The following AARSD1 variants were observed in gnomAD, a reference collection of about 807,000 sequenced individuals.
AARSD1 encodes alanyl-tRNA editing protein Aarsd1.
A neutral mutation model predicts 48.7 loss-of-function variants in AARSD1; 44 were observed. The observed-to-expected ratio is 0.90, with a 90% CI of 0.71 to 1.16. The LOEUF (loss-of-function observed/expected upper bound fraction) is 1.16, where lower values mean the gene tolerates loss of function less well. Ranked by LOEUF, AARSD1 falls within the 50% of genes most tolerant of loss-of-function variation. The pLI, the probability that AARSD1 is intolerant of heterozygous loss-of-function variation, is 0.00. For missense variants in AARSD1, 511 were observed against 523.1 expected, an observed-to-expected ratio of 0.98 and a Z score of 0.23; for synonymous variants, 189 against 194.9, an observed-to-expected ratio of 0.97 and a Z score of 0.25.
At chr17:42,962,292 C>T (rs962543342) in intron 2 of AARSD1, 4 of 102,586 alleles carry the variant, frequency 3.9e-5, no homozygotes, top group Admixed American at 1.6e-4. Context: ...GAGCAAGACA[C>T]CATCTCAAAA....
At chr17:42,953,904 G>A in intron 9 of AARSD1, 126 bp from the exon 10 acceptor site, 2 of 1,225,800 alleles carry the variant, frequency 1.6e-6, no homozygotes, top group East Asian at 2.4e-5. Context: ...ATATCCCTTA[G>A]CCAAGAGAGA....
Position 42,951,870 on chromosome 17 carries a change from C to T in AARSD1, c.1033G>A (p.Gly345Ser). Reference sequence around the variant, plus strand: ...AAGAGTCCACCACCTTTCTCATCGCCCACAGTTAAGAACAGGAGGGTCTCC... The same window carrying T: ...AAGAGTCCACCACCTTTCTCATCGCTCACAGTTAAGAACAGGAGGGTCTCC... ...SEETLLFLTV[G>S]DEKGGGLFLL... Residue 345 changes from glycine (G) to serine (S), a missense_variant, in exon 11 of 12, where the codon GGC becomes AGC. Physicochemically the swap from Gly to Ser is moderately conservative, Grantham distance 56. Coordinates refer to ENST00000427569, the MANE Select transcript of AARSD1 (RefSeq NM_001261434.2). 2.5e-6 allele frequency: 4 copies of T among 1,614,112 alleles called. No homozygotes were observed. Among genetic ancestry groups the T allele is most frequent in the Non-Finnish European group, 3.4e-6 (4 of 1,180,020 alleles).
intron 2 of AARSD1, among the ~76,000 whole-genome samples, chr17:42,962,756 G>C (rs2049655764): frequency 6.6e-6 from 1 of 152,218 alleles, no homozygotes; most frequent in Non-Finnish European, 1.5e-5. Context: ...GTGGAGGCCA[G>C]GGCAGTGGCT....
Position 42,954,930 on chromosome 17 carries a change from A to T in AARSD1, c.899T>A (p.Ile300Asn). The T allele has an allele frequency of 6.2e-7, 1 of 1,614,116 alleles. No individual in the cohort carries two copies. Among genetic ancestry groups the T allele is most frequent in the Non-Finnish European group, 8.5e-7 (1 of 1,179,998 alleles). Residue 300 changes from isoleucine to asparagine, a missense_variant, in exon 9 of 12, where the codon ATT becomes AAT. By Grantham distance (149) the Ile-to-Asn change is moderately radical. Transcript: ENST00000427569. ...LNLLRDLAVHIAHSLRNSPDW... is the reference protein window; with the variant it reads ...LNLLRDLAVHNAHSLRNSPDW... Reference sequence around the variant, plus strand: ...TGGACTGTTCCTGAGGCTATGGGCAATGTGCACAGCCAGGTCTCTGAGCAG... The same window carrying T: ...TGGACTGTTCCTGAGGCTATGGGCATTGTGCACAGCCAGGTCTCTGAGCAG...
rs144652104 is a variant in AARSD1 at position 42,961,320 on chromosome 17, G to A, written c.203C>T (p.Ser68Phe). Residue 68 changes from serine (S) to phenylalanine (F), a missense_variant, in exon 3 of 12, where the codon TCT (serine) becomes TTT (phenylalanine). Transcript: ENST00000427569. The part of the protein sequence containing the change: ...PDDRGTINDI[S>F]VLRVTRRGEQ... ...CCCACGGCGAGTCACTCTCAGCACA[G>A]AGATGTCATTGATTGTACCACGGTC... The A allele has an allele frequency of 3.1e-6, 5 of 1,614,166 alleles. No homozygotes were observed. The highest frequency in any genetic ancestry group is 4.2e-6 in the Non-Finnish European group (5 of 1,180,038).
rs777024110 is a variant in AARSD1, at chr17:42,961,271, C to G, written c.252G>C (p.Gln84His). 13 of 1,614,156 alleles carry G rather than the reference C, an allele frequency of 8.1e-6. No individual in the cohort carries two copies. Among genetic ancestry groups the G allele is most frequent in the Non-Finnish European group, 1.1e-5 (13 of 1,180,022 alleles). ...RRGEQADHFT[Q>H]TPLDPGSQVL... The stretch of plus-strand genomic sequence containing the variant: ...CCTGGCTTCCTGGATCCAGGGGTGT[C>G]TGGGTGAAATGATCAGCCTGTTCCC... The change falls in exon 3 of 12, where the codon CAG becomes CAC. Residue 84 changes from glutamine (Q) to histidine (H), a missense_variant. Physicochemically the swap from Gln to His is conservative, Grantham distance 24. Coordinates refer to ENST00000427569, the MANE Select transcript of AARSD1 (RefSeq NM_001261434.2).
rs537818447 is a variant in AARSD1, at chr17:42,955,411, T to A, written c.795-187A>T. 96 of 660,412 alleles carry A rather than the reference T, an allele frequency of 1.5e-4. No individual in the cohort carries two copies. The South Asian group carries it at 1.9e-3, about 13-fold the overall frequency. The allele number at this position is 660,412 out of a possible 1,614,324, so 40.9% of individuals were successfully genotyped here. On this transcript the variant is annotated intron_variant, in intron 7 of 11. Transcript: ENST00000427569. ...AGGAATTAACCACTTTTCGTGGTTC[T>A]GATTTACTATCCAAAGCACTTGATC...
chr17:42,956,225 C>T lies in AARSD1; in HGVS notation c.642G>A (p.Val214=). ...VDSNMCCGTH[V]SNLSDLQVIK... ...TTACCTGAAGGTCACTGAGATTGCT[C>T]ACATGGGTCCCACAGCACATGTTGG... Residue 214 remains valine, a synonymous_variant, in exon 6 of 12, where the codon GTG becomes GTA. Transcript: ENST00000427569. The T allele has an allele frequency of 6.2e-7, 1 of 1,614,106 alleles. No individual in the cohort carries two copies. Among genetic ancestry groups the T allele is most frequent in the Non-Finnish European group, 8.5e-7 (1 of 1,180,044 alleles).
At chr17:42,954,744 T>C (rs960927754) in intron 9 of AARSD1, 132 bp downstream of exon 9, 1 of 1,022,504 alleles carries the variant, frequency 9.8e-7, no homozygotes, top group Non-Finnish European at 1.4e-6. Flanking sequence ...GTAACATATT[T>C]CTTAGGATCT....
intron 7 of AARSD1, 109 bp from the exon 8 acceptor site, chr17:42,955,333 G>C: frequency 1.5e-6 from 2 of 1,370,496 alleles, no homozygotes; most frequent in Non-Finnish European, 2.0e-6. Context: ...TGCAGTCAGG[G>C]ACCAGGAGAT....
chr17:42,956,564 T>G lies in AARSD1; in HGVS notation c.390-4A>C, dbSNP rs1047812442. The G allele has an allele frequency of 6.2e-7, 1 of 1,605,446 alleles. No homozygotes were observed. The highest frequency in any genetic ancestry group is 8.5e-7 in the Non-Finnish European group (1 of 1,176,120). ...ACTCCGAAATCTCCCTAACTCCCTG[T>G]CAGAAGTACAGTGGCCACAGATAAC... On this transcript the variant is annotated splice_polypyrimidine_tract_variant and splice_region_variant and intron_variant, in intron 4 of 11. Coordinates refer to ENST00000427569, the MANE Select transcript of AARSD1 (RefSeq NM_001261434.2).
At chr17:42,962,889 G>T (rs572517631) in intron 2 of AARSD1, among the ~76,000 whole-genome samples, 7 of 152,120 alleles carry the variant, frequency 4.6e-5, no homozygotes, top group Admixed American at 4.6e-4. Context: ...CAAGCATGTT[G>T]GTTGTGCGCC....
Position 42,956,543 on chromosome 17 carries a change from C to T in AARSD1, c.407G>A (p.Arg136Gln), listed in dbSNP as rs765830178. The T allele has an allele frequency of 7.4e-5, 119 of 1,612,348 alleles. No homozygotes were observed. Among genetic ancestry groups the T allele is most frequent in the Non-Finnish European group, 8.6e-5 (102 of 1,179,340 alleles). ...GGGGGTGTCCAGCTCAATCGCACTCCGAAATCTCCCTAACTCCCTGTCAGA... is the reference window on the plus strand; with the variant it reads ...GGGGGTGTCCAGCTCAATCGCACTCTGAAATCTCCCTAACTCCCTGTCAGA... ...KTTSWELGRF[R>Q]SAIELDTPSM... is the part of the protein sequence containing the mutation. Residue 136 changes from arginine (R) to glutamine (Q), a missense_variant, in exon 5 of 12, where the codon CGG becomes CAG. Physicochemically the swap from Arg to Gln is conservative, Grantham distance 43 (BLOSUM62 1). Transcript: ENST00000427569.
chr17:42,958,892 T>C (rs1567717128), intron 3 of AARSD1, among the ~76,000 whole-genome samples: 1 of 151,258 alleles, frequency 6.6e-6, no homozygotes, highest in African/African-American at 2.4e-5. Context: ...TTGTTTACAT[T>C]TCCACTTTAA....
chr17:42,964,282 GCCC>G, intron 1 of AARSD1, 45 bp from the exon 2 acceptor site: 1 of 1,608,032 alleles, frequency 6.2e-7, no homozygotes, highest in Admixed American at 1.7e-5. Context: ...CCCAGCCCTA[GCCC>G]TAGCCCTCTC....
chr17:42,952,959 A>G (rs1000390826), intron 10 of AARSD1, among the ~76,000 whole-genome samples: 11 of 151,710 alleles, frequency 7.3e-5, no homozygotes, highest in African/African-American at 2.7e-4. Flanking sequence ...GTCTACAGGC[A>G]CCTGCCACCA....
At position 42,955,145 on chromosome 17, in the gene AARSD1, T is replaced by G; in HGVS notation, c.861+13A>C. The G allele has an allele frequency of 6.2e-7, 1 of 1,614,122 alleles. No homozygotes were observed. The highest frequency in any genetic ancestry group is 8.5e-7 in the Non-Finnish European group (1 of 1,180,016). Reference sequence around the variant, plus strand: ...GGGCCCATGCCCTCTCTACCCTCCATGGAATAAATCACCTTCTGCAGGATC... The same window carrying G: ...GGGCCCATGCCCTCTCTACCCTCCAGGGAATAAATCACCTTCTGCAGGATC... On this transcript the variant is annotated intron_variant, in intron 8 of 11. Transcript: ENST00000427569.
At chr17:42,950,764 G>C (rs779472211) in intron 11 of AARSD1, 36 bp from the exon 12 acceptor site, 1 of 1,574,640 alleles carries the variant, frequency 6.4e-7, no homozygotes, top group South Asian at 1.2e-5. Flanking sequence ...AGACTTTGAG[G>C]GAAAAGTCAC....
Position 42,955,880 on chromosome 17 carries a change from T to C in AARSD1, c.756A>G (p.Arg252=), listed in dbSNP as rs917782756. ...TCAGTGCTTTTTCAGTTCCATGACT[T>C]CTCTCCATCCACTTCAGCACCCGGT... The part of the protein sequence containing the change: ...SGNRVLKWME[R]SHGTEKALTA... The change falls in exon 7 of 12, where the codon AGA becomes AGG. Residue 252 remains arginine (R), a synonymous_variant. Coordinates refer to ENST00000427569, the MANE Select transcript of AARSD1 (RefSeq NM_001261434.2). 1 of 1,614,080 alleles carries C rather than the reference T, an allele frequency of 6.2e-7. No individual in the cohort carries two copies. Among genetic ancestry groups the C allele is most frequent in the Admixed American group, 1.7e-5 (1 of 59,994 alleles).
Sources: allele counts gnomAD v4.1 joint callset (sites outside exome capture counted in the v4.1 genomes callset), GRCh38; gene constraint gnomAD v4.1.1; transcripts MANE v1.5; gene names NCBI Gene and HGNC (gene_info 2026-07-23, HGNC 2026-07-21).